WWOX: variants seen among roughly 807,000 people sequenced by gnomAD.
WWOX encodes WW domain containing oxidoreductase.
Under a neutral mutation model 46.2 loss-of-function variants are expected in WWOX, and 69 were observed. That is an observed-to-expected ratio of 1.49 (90% CI 1.23 to 1.82). The LOEUF (loss-of-function observed/expected upper bound fraction) is 1.82. Among genes scored for constraint, WWOX ranks in the 40% most tolerant of loss-of-function variants. WWOX has a pLI of 0.00. For missense variants in WWOX, 919 were observed against 542.6 expected (o/e 1.69, Z -6.89); for synonymous variants, 359 against 202.6 (o/e 1.77, Z -6.56).
At chr16:78,810,326 A>T (rs923912395) in intron 8 of WWOX, among the ~76,000 whole-genome samples, 2 of 152,118 alleles carry the variant, frequency 1.3e-5, no homozygotes, top group African/African-American at 4.8e-5. Flanking sequence ...CTGCCCAATC[A>T]CCTACCCTGC....
At chr16:78,133,327 C>T (rs1033535798) in intron 4 of WWOX, among the ~76,000 whole-genome samples, 1 of 152,200 alleles carries the variant, frequency 6.6e-6, no homozygotes, top group African/African-American at 2.4e-5. Context: ...GTGGCTCAAT[C>T]TCGGCTCAGT....
At chr16:79,001,576 G>C (rs1019318776) in intron 8 of WWOX, among the ~76,000 whole-genome samples, 3 of 151,934 alleles carry the variant, frequency 2.0e-5, no homozygotes, top group Non-Finnish European at 1.5e-5. Flanking sequence ...TTTTAAACAA[G>C]TTTTGCCCCT....
chr16:79,072,825 T>C (rs1045606022), intron 8 of WWOX, among the ~76,000 whole-genome samples: 3 of 152,186 alleles, frequency 2.0e-5, no homozygotes, highest in African/African-American at 7.2e-5. Flanking sequence ...TGATTTCTTA[T>C]TTTCAAATGC....
intron 5 of WWOX, among the ~76,000 whole-genome samples, chr16:78,327,842 G>A (rs2080662919): frequency 6.7e-6 from 1 of 148,624 alleles, no homozygotes; most frequent in Non-Finnish European, 1.5e-5. Flanking sequence ...CAAGACATTA[G>A]GAATGAGCTA....
chr16:79,193,944 C>T (rs191497877), intron 8 of WWOX, among the ~76,000 whole-genome samples: 296 of 152,298 alleles, frequency 1.9e-3, no homozygotes, highest in African/African-American at 6.9e-3. Context: ...GTTTGGATCC[C>T]AGCTCTGCCA....
chr16:78,208,483 G>T (rs1336816181), intron 5 of WWOX, among the ~76,000 whole-genome samples: 1 of 152,122 alleles, frequency 6.6e-6, no homozygotes, highest in African/African-American at 2.4e-5. Context: ...ATAAAAACCT[G>T]TTATGGAATA....
intron 8 of WWOX, among the ~76,000 whole-genome samples, chr16:78,697,211 C>A (rs527381213): frequency 2.6e-5 from 4 of 152,294 alleles, no homozygotes; most frequent in African/African-American, 7.2e-5. Context: ...AATGGTAGTT[C>A]TACTTTTAGT....
intron 8 of WWOX, among the ~76,000 whole-genome samples, chr16:79,058,159 A>G (rs1334375155): frequency 6.6e-6 from 1 of 151,312 alleles, no homozygotes; most frequent in African/African-American, 2.4e-5. Context: ...TTCATTTGTT[A>G]TAGTTCCAGG....
intron 5 of WWOX, among the ~76,000 whole-genome samples, chr16:78,250,157 C>G (rs2037945305): frequency 6.6e-6 from 1 of 152,206 alleles, no homozygotes; most frequent in South Asian, 2.1e-4. Flanking sequence ...CAGTAGTAAT[C>G]TCCAATTTAG....
intron 8 of WWOX, among the ~76,000 whole-genome samples, chr16:79,182,596 G>T (rs2050934374): frequency 6.6e-6 from 1 of 152,084 alleles, no homozygotes; most frequent in African/African-American, 2.4e-5. Context: ...GAATATCAGG[G>T]TGTTTAAAAG....
At chr16:78,998,949 C>A (rs1169026944) in intron 8 of WWOX, among the ~76,000 whole-genome samples, 1 of 152,188 alleles carries the variant, frequency 6.6e-6, no homozygotes, top group Non-Finnish European at 1.5e-5. Flanking sequence ...ACCAAACTTG[C>A]AGGATGGGTG....
At chr16:79,025,768 C>T (rs1439969767) in intron 8 of WWOX, among the ~76,000 whole-genome samples, 1 of 148,852 alleles carries the variant, frequency 6.7e-6, no homozygotes, top group African/African-American at 2.5e-5. Context: ...TTCATCTCCC[C>T]TGTTGCCGTT....
intron 8 of WWOX, among the ~76,000 whole-genome samples, chr16:78,798,416 G>C (rs973857409): frequency 1.3e-5 from 2 of 152,078 alleles, no homozygotes; most frequent in African/African-American, 4.8e-5. Flanking sequence ...AAAAACTGGT[G>C]CGATGCGGGA....
At chr16:78,894,252 A>C (rs537550915) in intron 8 of WWOX, among the ~76,000 whole-genome samples, 1 of 152,180 alleles carries the variant, frequency 6.6e-6, no homozygotes, top group Admixed American at 6.5e-5. Context: ...TTAGTTTTAA[A>C]GAGTTATACA....
chr16:78,750,190 C>T lies in WWOX; in HGVS notation c.1056+317438C>T, dbSNP rs935985120. 2.2e-4 allele frequency among the ~76,000 whole-genome samples: 33 copies of T among 152,158 alleles called. 1 individual carries two copies. Among genetic ancestry groups the T allele is most frequent in the African/African-American group, 8.0e-4 (33 of 41,434 alleles). ...GGTGTTTGTACAGTTCAGCTGCTGC[C>T]TTATTCAAAAACAGGAAGAAAAACC... On this transcript the variant is annotated intron_variant, in intron 8 of 8. Transcript: ENST00000566780.
intron 8 of WWOX, chr16:78,996,234 A>T: frequency 2.0e-6 from 2 of 985,258 alleles, no homozygotes. Context: ...AGAAGAAGTA[A>T]CCTTGAAAAG....
At chr16:78,755,683 C>T (rs2142468998) in intron 8 of WWOX, among the ~76,000 whole-genome samples, 1 of 152,320 alleles carries the variant, frequency 6.6e-6, no homozygotes, top group South Asian at 2.1e-4. Flanking sequence ...GGACCCTGCA[C>T]CAGGGCCATG....
Position 79,211,614 on chromosome 16 carries a change from G to T in WWOX, c.1063G>T (p.Gly355Ter). ...TTTCTTCTTGGATTTCCAGCAACAG[G>T]GAGCTGCCACCACCGTGTACTGTGC... ...ARPFTKSMQQ[G>*]AATTVYCAAV... is the part of the protein sequence containing the mutation. The change falls in exon 9 of 9, where the codon GGA becomes TGA. Residue 355 changes from glycine (G) to a stop codon, truncating the protein, a stop_gained. Coordinates refer to ENST00000566780, the MANE Select transcript of WWOX (RefSeq NM_016373.4). LOFTEE classifies it high-confidence loss of function. 3 of 1,614,164 alleles carry T rather than the reference G, an allele frequency of 1.9e-6. No individual in the cohort carries two copies. The highest frequency in any genetic ancestry group is 2.5e-6 in the Non-Finnish European group (3 of 1,180,040).
chr16:78,705,929 C>G lies in WWOX; in HGVS notation c.1056+273177C>G, dbSNP rs139416411. On this transcript the variant is annotated intron_variant, in intron 8 of 8. Coordinates refer to ENST00000566780, the MANE Select transcript of WWOX (RefSeq NM_016373.4). ...ATATAAGCATCTGTTTATTTACACA[C>G]TAAGGAATGTTTGAGTGTGGAACGT... Among the ~76,000 whole-genome samples, 19 of 152,256 alleles carry G rather than the reference C, an allele frequency of 1.2e-4. 1 individual carries two copies. Among genetic ancestry groups the G allele is most frequent in the Admixed American group, 3.3e-4 (5 of 15,286 alleles).
Sources: gnomAD v4.1 joint callset for allele counts (sites outside exome capture counted in the v4.1 genomes callset) on GRCh38, gnomAD v4.1.1 for gene constraint, MANE v1.5 for transcripts, NCBI Gene and HGNC (gene_info 2026-07-23, HGNC 2026-07-21) for gene names.